Variants in MAST2 observed in about 807,000 individuals in gnomAD.
MAST2 encodes microtubule associated serine/threonine kinase 2.
MAST2 carries 70 observed loss-of-function variants against 147.4 expected under a neutral mutation model. The ratio of observed to expected loss-of-function variants is 0.47; its 90% confidence interval spans 0.39 to 0.58. MAST2 has a LOEUF of 0.58. Among genes scored for constraint, MAST2 ranks in the 20% least tolerant of loss-of-function variants. MAST2 has a pLI of 0.00. For synonymous variants in MAST2, 869 were observed against 896.8 expected (o/e 0.97, Z 0.55); for missense variants, 2,080 against 2,302.3 (o/e 0.90, Z 1.98).
chr1:45,991,326 T>C (rs561074592), intron 5 of MAST2, among the ~76,000 whole-genome samples: 6 of 152,348 alleles, frequency 3.9e-5, no homozygotes, highest in Admixed American at 1.3e-4. Context: ...ATATCAGTCC[T>C]CTAACCTTAT....
In MAST2 at chr1:45,827,604, G is replaced by A. The variant is rs75486303; in HGVS notation, c.326-1835G>A. Among the ~76,000 whole-genome samples, 227 of 152,160 alleles carry A rather than the reference G, an allele frequency of 1.5e-3. 2 individuals are homozygous for A. Among genetic ancestry groups the A allele is most frequent in the Non-Finnish European group, 2.5e-3 (173 of 68,012 alleles). On this transcript the variant is annotated intron_variant, in intron 2 of 28. Coordinates refer to ENST00000361297, the MANE Select transcript of MAST2 (RefSeq NM_015112.3). The stretch of plus-strand genomic sequence containing the variant: ...CAGAATGAAGGAAAGAAGGCAGGCA[G>A]GCTCTACTCTGGGCTTATGGAAGTT...
intron 5 of MAST2, among the ~76,000 whole-genome samples, chr1:45,984,066 G>A (rs1644518109): frequency 1.3e-5 from 2 of 152,122 alleles, no homozygotes; most frequent in Admixed American, 1.3e-4. Flanking sequence ...GAAATAGAAT[G>A]TTTCTAATCT....
At chr1:45,900,196 G>GAAAAAAAAAAAAAGATTT (rs1649532428) in intron 4 of MAST2, among the ~76,000 whole-genome samples, 1 of 114,842 alleles carries the variant, frequency 8.7e-6, no homozygotes, top group African/African-American at 3.5e-5. Flanking sequence ...AAAAAAAAAA[G>GAAAAAAAAAAAAAGATTT]ATTTACCCTT....
intron 10 of MAST2, among the ~76,000 whole-genome samples, chr1:46,014,443 G>A (rs1279430262): frequency 6.7e-6 from 1 of 149,042 alleles, no homozygotes; most frequent in East Asian, 2.0e-4. Flanking sequence ...TTTTGTTCTT[G>A]CGATAGTTTA....
At chr1:45,816,300 G>T (rs778425052) in intron 1 of MAST2, among the ~76,000 whole-genome samples, 40 of 151,422 alleles carry the variant, frequency 2.6e-4, no homozygotes, top group Admixed American at 6.6e-5. Flanking sequence ...ATGCAAACAA[G>T]CCCAGATCGC....
chr1:45,877,554 A>G (rs1385363305), intron 3 of MAST2, among the ~76,000 whole-genome samples: 2 of 152,186 alleles, frequency 1.3e-5, no homozygotes, highest in African/African-American at 2.4e-5. Flanking sequence ...TGAGGATAGT[A>G]TAAGTATGAA....
intron 2 of MAST2, among the ~76,000 whole-genome samples, chr1:45,826,692 C>T (rs1024658347): frequency 2.0e-5 from 3 of 152,082 alleles, no homozygotes; most frequent in Non-Finnish European, 4.4e-5. Context: ...CTTACTATAG[C>T]TTATACCTTT....
In MAST2 at chr1:45,918,743, T is replaced by G. The variant is rs555358580; in HGVS notation, c.500+36348T>G. 5.3e-5 allele frequency among the ~76,000 whole-genome samples: 8 copies of G among 152,102 alleles called. No individual in the cohort carries two copies. In the South Asian group the frequency reaches 1.3e-3, roughly 24 times the overall value. ...ATGAGCCACCACTACTGGCCAGGAC[T>G]TTTGTTTTTATGCTGGGTGAGATAA... On this transcript the variant is annotated intron_variant, in intron 4 of 28. Coordinates refer to ENST00000361297, the MANE Select transcript of MAST2 (RefSeq NM_015112.3).
At chr1:45,964,290 A>G (rs1198430184) in intron 5 of MAST2, among the ~76,000 whole-genome samples, 2 of 152,258 alleles carry the variant, frequency 1.3e-5, no homozygotes, top group East Asian at 1.9e-4. Flanking sequence ...CAGAAGGAAT[A>G]GTACCAGCTC....
intron 3 of MAST2, among the ~76,000 whole-genome samples, chr1:45,869,662 T>C (rs745975097): frequency 2.0e-5 from 3 of 152,244 alleles, no homozygotes; most frequent in Admixed American, 6.5e-5. Context: ...GATGGTGTGT[T>C]ATACGTTAAT....
chr1:45,903,267 T>C (rs567145133), intron 4 of MAST2, among the ~76,000 whole-genome samples: 64 of 151,374 alleles, frequency 4.2e-4, no homozygotes, highest in African/African-American at 1.6e-3. Context: ...GTAGCTGGGA[T>C]TACAGACACT....
chr1:45,925,225 T>G (rs10890371), intron 4 of MAST2, among the ~76,000 whole-genome samples: 51,545 of 152,054 alleles, frequency 0.34, 9,120 homozygotes, highest in African/African-American at 0.43. Context: ...GATACAGTCT[T>G]GAAATGATAC....
chr1:46,031,498 G>A lies in MAST2; in HGVS notation c.3100G>A (p.Asp1034Asn). 6.2e-7 allele frequency: 1 copy of A among 1,614,172 alleles called. No homozygotes were observed. Among genetic ancestry groups the A allele is most frequent in the African/African-American group, 1.3e-5 (1 of 75,052 alleles). The stretch of plus-strand genomic sequence containing the variant: ...GGCCCGCCACCGGCTGCTCTCTGGG[G>A]ACTCAACAGAGAAGCGCACTGCTCG... ...RRARHRLLSGDSTEKRTARPV... is the reference protein window; with the variant it reads ...RRARHRLLSGNSTEKRTARPV... The change falls in exon 24 of 29, where the codon GAC (aspartate) becomes AAC (asparagine). Residue 1034 changes from aspartate (D) to asparagine (N), a missense_variant. Around this residue, in one of 4 missense-constraint regions of MAST2, gnomAD observed 1,278 missense variants for 1,304.2 expected, o/e 0.98. Transcript: ENST00000361297. The surrounding 1 kb of genome is among the most constrained non-coding windows in gnomAD (Gnocchi z 4.1).
At chr1:45,974,805 A>G (rs1557989473) in intron 5 of MAST2, among the ~76,000 whole-genome samples, 1 of 152,224 alleles carries the variant, frequency 6.6e-6, no homozygotes, top group African/African-American at 2.4e-5. Context: ...TGACTTTCTG[A>G]AACTTCTCAG....
chr1:45,951,357 C>T (rs901881778), intron 4 of MAST2, among the ~76,000 whole-genome samples: 14 of 150,210 alleles, frequency 9.3e-5, no homozygotes, highest in African/African-American at 2.9e-4. Flanking sequence ...ACAAGACGGG[C>T]GGATCACTTG....
chr1:45,974,775 G>A (rs1026422127), intron 5 of MAST2, among the ~76,000 whole-genome samples: 4 of 152,146 alleles, frequency 2.6e-5, no homozygotes, highest in African/African-American at 9.7e-5. Context: ...CATAAAGTGA[G>A]ACTAGTCAGC....
chr1:45,806,501 G>A (rs1557788286), intron 1 of MAST2, among the ~76,000 whole-genome samples: 1 of 152,214 alleles, frequency 6.6e-6, no homozygotes, highest in East Asian at 1.9e-4. Context: ...CCAGGCTCAA[G>A]TGATCCTCCT....
intron 3 of MAST2, among the ~76,000 whole-genome samples, chr1:45,868,091 A>G (rs192571832): frequency 1.3e-5 from 2 of 152,332 alleles, no homozygotes; most frequent in Non-Finnish European, 2.9e-5. Flanking sequence ...TTTTCTTTAC[A>G]CTGGAGGAGC....
At chr1:46,005,522 A>G (rs1236091784) in intron 7 of MAST2, among the ~76,000 whole-genome samples, 1 of 152,148 alleles carries the variant, frequency 6.6e-6, no homozygotes, top group East Asian at 1.9e-4. Context: ...CTGCGCCTGT[A>G]GAAGTCCTGT....
Sources: allele counts gnomAD v4.1 joint callset (sites outside exome capture counted in the v4.1 genomes callset), GRCh38; gene constraint gnomAD v4.1.1; regional missense constraint gnomAD v4.1.1; non-coding constraint Gnocchi (gnomAD v3.1); transcripts MANE v1.5; gene names NCBI Gene and HGNC (gene_info 2026-07-23, HGNC 2026-07-21).